PLEKHA5: variants seen among roughly 807,000 people sequenced by gnomAD.
PLEKHA5 encodes the protein pleckstrin homology domain-containing family A member 5.
In PLEKHA5, 55 loss-of-function variants were observed where a neutral mutation model predicts 181.9. The observed-to-expected ratio is 0.30, with a 90% CI of 0.24 to 0.38. The LOEUF (loss-of-function observed/expected upper bound fraction) is 0.38. Among genes scored for constraint, PLEKHA5 ranks in the 10% least tolerant of loss-of-function variants. The probability of loss-of-function intolerance (pLI) is 1.00; values close to 1 mark genes in which losing one functional copy is unlikely to be tolerated. For missense variants in PLEKHA5, 1,432 were observed against 1,549.5 expected (o/e 0.92, Z 1.27); for synonymous variants, 535 against 529.4 (o/e 1.01, Z -0.15).
intron 3 of PLEKHA5, among the ~76,000 whole-genome samples, chr12:19,139,384 A>G (rs1178066631): frequency 6.6e-6 from 1 of 152,092 alleles, no homozygotes; most frequent in Non-Finnish European, 1.5e-5. Flanking sequence ...GACTCCTGAC[A>G]TTATCTTTTT....
intron 3 of PLEKHA5, among the ~76,000 whole-genome samples, chr12:19,142,209 TG>T (rs2037563434): frequency 6.6e-6 from 1 of 151,864 alleles, no homozygotes; most frequent in African/African-American, 2.4e-5. Context: ...AAAAAAAAAT[TG>T]TTTTTTTAAT....
At chr12:19,208,316 AGAATCGCTT>A (rs2056108936) in intron 3 of PLEKHA5, among the ~76,000 whole-genome samples, 2 of 152,032 alleles carry the variant, frequency 1.3e-5, no homozygotes, top group South Asian at 4.2e-4. Context: ...GCTGAGGAGG[AGAATCGCTT>A]GAACCCAGGA....
intron 3 of PLEKHA5, among the ~76,000 whole-genome samples, chr12:19,226,675 A>C (rs1411394257): frequency 6.6e-6 from 1 of 152,212 alleles, no homozygotes; most frequent in African/African-American, 2.4e-5. Flanking sequence ...AATTTTTCAA[A>C]GAAAAGCTGT....
intron 3 of PLEKHA5, among the ~76,000 whole-genome samples, chr12:19,218,054 A>G (rs2058284181): frequency 6.6e-6 from 1 of 152,174 alleles, no homozygotes; most frequent in Non-Finnish European, 1.5e-5. Flanking sequence ...GGGGCTGGCT[A>G]CCACAGGTGG....
intron 13 of PLEKHA5, among the ~76,000 whole-genome samples, chr12:19,288,598 G>A (rs1281187104): frequency 6.6e-6 from 1 of 152,064 alleles, no homozygotes; most frequent in African/African-American, 2.4e-5. Context: ...TATGTGTTTT[G>A]TAAAAACATT....
intron 11 of PLEKHA5, among the ~76,000 whole-genome samples, chr12:19,282,459 TCAAAC>T (rs1234450144): frequency 1.3e-5 from 2 of 152,182 alleles, no homozygotes; most frequent in African/African-American, 2.4e-5. Context: ...AGTTATTCCT[TCAAAC>T]CAAATGTACT....
intron 15 of PLEKHA5, among the ~76,000 whole-genome samples, chr12:19,302,478 C>G (rs1052076853): frequency 1.1e-4 from 16 of 152,212 alleles, no homozygotes; most frequent in African/African-American, 3.9e-4. Flanking sequence ...TCACTGCAAC[C>G]TCTACCTCCC....
At chr12:19,302,265 CAG>C (rs1321777953) in intron 15 of PLEKHA5, among the ~76,000 whole-genome samples, 2 of 152,302 alleles carry the variant, frequency 1.3e-5, no homozygotes, top group African/African-American at 2.4e-5. Flanking sequence ...CAGTGAAGGA[CAG>C]AAGCTCTGCT....
chr12:19,322,869 A>G (rs1229809302), intron 20 of PLEKHA5, among the ~76,000 whole-genome samples: 5 of 152,044 alleles, frequency 3.3e-5, no homozygotes, highest in African/African-American at 1.2e-4. Context: ...TTATTTACTT[A>G]TGAGACAAGG....
intron 3 of PLEKHA5, among the ~76,000 whole-genome samples, chr12:19,163,443 C>T (rs1388332439): frequency 6.6e-6 from 1 of 152,092 alleles, no homozygotes; most frequent in Non-Finnish European, 1.5e-5. Context: ...TACCAAAGTG[C>T]TGGGATTATG....
intron 11 of PLEKHA5, among the ~76,000 whole-genome samples, chr12:19,282,036 C>A (rs1273007932): frequency 6.6e-6 from 1 of 152,154 alleles, no homozygotes; most frequent in African/African-American, 2.4e-5. Flanking sequence ...CCTGCCTCCG[C>A]CTCCCAAAGT....
At chr12:19,170,622 G>T (rs965884784) in intron 3 of PLEKHA5, among the ~76,000 whole-genome samples, 7 of 152,140 alleles carry the variant, frequency 4.6e-5, no homozygotes, top group African/African-American at 1.7e-4. Flanking sequence ...GTTTCACCAT[G>T]TTGGCCAGGA....
rs192157133 is a variant in PLEKHA5, at chr12:19,234,035, A to G, written c.228-19905A>G. Among the ~76,000 whole-genome samples, 231 of 152,344 alleles carry G rather than the reference A, an allele frequency of 1.5e-3. 1 individual carries two copies. The highest frequency in any genetic ancestry group is 2.5e-3 in the Non-Finnish European group (170 of 68,022). On this transcript the variant is annotated intron_variant, in intron 3 of 31. Coordinates refer to ENST00000429027, the MANE Select transcript of PLEKHA5 (RefSeq NM_001256470.2). Reference sequence around the variant, plus strand: ...TTTGGGGAAAACTGGGCAGAATTTTACAAGGAACTTGTGAGAATTGCCCTA... The same window carrying G: ...TTTGGGGAAAACTGGGCAGAATTTTGCAAGGAACTTGTGAGAATTGCCCTA...
chr12:19,300,422 T>C (rs1164402246), intron 15 of PLEKHA5, among the ~76,000 whole-genome samples: 2 of 152,202 alleles, frequency 1.3e-5, no homozygotes, highest in Non-Finnish European at 2.9e-5. Flanking sequence ...ATTTACAAAA[T>C]ATTATAAATA....
chr12:19,194,036 T>G (rs2051973443), intron 3 of PLEKHA5, among the ~76,000 whole-genome samples: 1 of 151,974 alleles, frequency 6.6e-6, no homozygotes, highest in South Asian at 2.1e-4. Flanking sequence ...CCCAAACACC[T>G]CCCACCAGGC....
chr12:19,192,286 T>C (rs779330830), intron 3 of PLEKHA5, among the ~76,000 whole-genome samples: 4 of 152,078 alleles, frequency 2.6e-5, no homozygotes, highest in African/African-American at 4.8e-5. Context: ...AAAGGACAAA[T>C]TTTAGAAAAT....
intron 20 of PLEKHA5, among the ~76,000 whole-genome samples, chr12:19,326,528 G>A (rs933579212): frequency 6.6e-6 from 1 of 152,108 alleles, no homozygotes; most frequent in Non-Finnish European, 1.5e-5. Flanking sequence ...CACAAAACTA[G>A]GATTAGCACA....
chr12:19,283,144 T>C, intron 11 of PLEKHA5, 136 bp from the exon 12 acceptor site: 1 of 399,560 alleles, frequency 2.5e-6, no homozygotes. Flanking sequence ...GAGACTCTTG[T>C]CTCCCAAAAA....
At chr12:19,356,749 C>T (rs2094953158) in intron 26 of PLEKHA5, among the ~76,000 whole-genome samples, 1 of 149,278 alleles carries the variant, frequency 6.7e-6, no homozygotes, top group Non-Finnish European at 1.5e-5. Flanking sequence ...CAACCTCTGC[C>T]TCCCGGGTTC....
Sources: gnomAD v4.1 joint callset for allele counts (sites outside exome capture counted in the v4.1 genomes callset) on GRCh38, gnomAD v4.1.1 for gene constraint, MANE v1.5 for transcripts, NCBI Gene and HGNC (gene_info 2026-07-23, HGNC 2026-07-21) for gene names.